Variants in TMEFF2 observed in about 807,000 individuals in gnomAD.
TMEFF2 encodes the protein tomoregulin-2.
A neutral mutation model predicts 53.8 loss-of-function variants in TMEFF2; 28 were observed. The observed-to-expected ratio is 0.52, with a 90% CI of 0.39 to 0.71. The LOEUF (loss-of-function observed/expected upper bound fraction) is 0.71. Ranked by LOEUF, TMEFF2 falls within the 30% of genes least tolerant of loss-of-function variation. TMEFF2 has a pLI of 0.00. For synonymous variants in TMEFF2, 162 were observed against 166.3 expected (o/e 0.97, Z 0.20); for missense variants, 353 against 455.2 (o/e 0.78, Z 2.04).
intron 4 of TMEFF2, among the ~76,000 whole-genome samples, chr2:192,121,749 C>G (rs1296855553): frequency 6.6e-6 from 1 of 152,088 alleles, no homozygotes; most frequent in East Asian, 1.9e-4. Context: ...TCTAGCAGAA[C>G]AGTAACACAA....
chr2:192,105,687 A>G (rs1574377129), intron 4 of TMEFF2, among the ~76,000 whole-genome samples: 1 of 152,102 alleles, frequency 6.6e-6, no homozygotes, highest in East Asian at 1.9e-4. Flanking sequence ...CATATACTAC[A>G]TGCCATTCAT....
At chr2:192,153,966 A>C (rs779177386) in intron 4 of TMEFF2, among the ~76,000 whole-genome samples, 86 of 152,034 alleles carry the variant, frequency 5.7e-4, no homozygotes, top group Non-Finnish European at 5.6e-4. Context: ...GGTTGGGGGA[A>C]GGGTGAATAC....
chr2:192,063,686 T>C (rs1055575469), intron 4 of TMEFF2, among the ~76,000 whole-genome samples: 3 of 151,650 alleles, frequency 2.0e-5, no homozygotes, highest in African/African-American at 7.3e-5. Flanking sequence ...AATTTGCGTC[T>C]AGTTCTCTTT....
chr2:192,174,012 T>C (rs1690977811), intron 4 of TMEFF2, among the ~76,000 whole-genome samples: 1 of 151,850 alleles, frequency 6.6e-6, no homozygotes, highest in Admixed American at 6.6e-5. Flanking sequence ...TTCCTATAGA[T>C]ACATATTACT....
chr2:192,061,471 T>C (rs4480939), intron 4 of TMEFF2, among the ~76,000 whole-genome samples: 75,693 of 151,936 alleles, frequency 0.5, 18,963 homozygotes, highest in South Asian at 0.58. Context: ...AATCTAGAGA[T>C]GATTTAAATT....
At chr2:192,042,002 A>T (rs1236536019) in intron 5 of TMEFF2, among the ~76,000 whole-genome samples, 1 of 152,116 alleles carries the variant, frequency 6.6e-6, no homozygotes, top group African/African-American at 2.4e-5. Flanking sequence ...GGACTTCAAG[A>T]CAAGCCTGAC....
intron 2 of TMEFF2, among the ~76,000 whole-genome samples, chr2:192,184,765 G>A (rs1691271177): frequency 6.6e-6 from 1 of 151,952 alleles, no homozygotes; most frequent in African/African-American, 2.4e-5. Flanking sequence ...TAAAGATATA[G>A]GAATAAATAT....
At chr2:192,013,731 A>G (rs1322710359) in intron 5 of TMEFF2, among the ~76,000 whole-genome samples, 1 of 152,142 alleles carries the variant, frequency 6.6e-6, no homozygotes, top group Non-Finnish European at 1.5e-5. Context: ...ATTTACAGGC[A>G]TGAACCACTG....
At chr2:192,096,670 C>CTCTTTCT (rs61068218) in intron 4 of TMEFF2, among the ~76,000 whole-genome samples, 3 of 53,704 alleles carry the variant, frequency 5.6e-5, no homozygotes, top group African/African-American at 2.7e-4. Context: ...CTCTCTCTCT[C>CTCTTTCT]TTTTTTTTTT....
At chr2:192,176,307 T>C (rs532945726) in intron 4 of TMEFF2, among the ~76,000 whole-genome samples, 130 of 151,476 alleles carry the variant, frequency 8.6e-4, no homozygotes, top group African/African-American at 3.0e-3. Flanking sequence ...TTGATGTAGA[T>C]GCCTTTCAAA....
At chr2:192,179,316 T>C in intron 4 of TMEFF2, 1 of 221,470 alleles carries the variant, frequency 4.5e-6, no homozygotes, top group Non-Finnish European at 8.8e-6. Flanking sequence ...AAAAATCCAA[T>C]ATTTAAATGA....
chr2:192,002,114 C>G (rs1487658982), intron 5 of TMEFF2, among the ~76,000 whole-genome samples: 4 of 152,132 alleles, frequency 2.6e-5, no homozygotes, highest in African/African-American at 9.7e-5. Flanking sequence ...CCTTTCCTAG[C>G]ATCGCTTGCT....
At position 192,165,148 on chromosome 2, in the gene TMEFF2, T is replaced by A. The variant is rs1300445942; in HGVS notation, c.439+14520A>T. ...CACCTTACTTTTAACCAAAATAACA[T>A]ATTTAACATATTTTAATATGAAAGT... On this transcript the variant is annotated intron_variant, in intron 4 of 9. Transcript: ENST00000272771. Among the ~76,000 whole-genome samples, 9 of 152,262 alleles carry A rather than the reference T, an allele frequency of 5.9e-5. No individual in the cohort carries two copies. The South Asian group carries it at 1.9e-3, about 32-fold the overall frequency.
intron 4 of TMEFF2, among the ~76,000 whole-genome samples, chr2:192,061,566 C>A (rs1345321623): frequency 6.6e-6 from 1 of 152,020 alleles, no homozygotes; most frequent in Non-Finnish European, 1.5e-5. Flanking sequence ...GTGGGGAGGG[C>A]GGGTCCTGGA....
At chr2:191,997,598 T>C (rs2105833900) in intron 7 of TMEFF2, among the ~76,000 whole-genome samples, 1 of 151,730 alleles carries the variant, frequency 6.6e-6, no homozygotes, top group African/African-American at 2.4e-5. Context: ...TAAGTATCTG[T>C]TAAAATTTCA....
chr2:192,143,771 T>A (rs1037774226), intron 4 of TMEFF2, among the ~76,000 whole-genome samples: 19 of 152,150 alleles, frequency 1.2e-4, no homozygotes, highest in Non-Finnish European at 2.8e-4. Flanking sequence ...CACCTTCCTG[T>A]AGCATTCCCT....
intron 4 of TMEFF2, among the ~76,000 whole-genome samples, chr2:192,067,619 G>T (rs1459306311): frequency 6.6e-6 from 1 of 151,752 alleles, no homozygotes; most frequent in Non-Finnish European, 1.5e-5. Context: ...AATGAATAAA[G>T]ATGTATCTTT....
At chr2:192,055,910 GA>G (rs1687897571) in intron 5 of TMEFF2, among the ~76,000 whole-genome samples, 1 of 151,988 alleles carries the variant, frequency 6.6e-6, no homozygotes, top group Non-Finnish European at 1.5e-5. Flanking sequence ...CCATTGGCTA[GA>G]AGTGTTTGAC....
At chr2:192,002,817 G>A (rs116445521) in intron 5 of TMEFF2, among the ~76,000 whole-genome samples, 1 of 152,064 alleles carries the variant, frequency 6.6e-6, no homozygotes, top group African/African-American at 2.4e-5. Context: ...GCAACAGAGT[G>A]GGACTCTGTT....
Sources: gnomAD v4.1 joint callset for allele counts (sites outside exome capture counted in the v4.1 genomes callset) on GRCh38, gnomAD v4.1.1 for gene constraint, MANE v1.5 for transcripts, NCBI Gene and HGNC (gene_info 2026-07-23, HGNC 2026-07-21) for gene names.